Variants in LRRC4C observed in about 807,000 individuals in gnomAD.
LRRC4C encodes the protein leucine-rich repeat-containing protein 4C.
A neutral mutation model predicts 33.6 loss-of-function variants in LRRC4C; 5 were observed. That is an observed-to-expected ratio of 0.15 (90% CI 0.08 to 0.31). The LOEUF is 0.31. LRRC4C is among the 10% of genes least tolerant of loss of function. LRRC4C has a pLI of 1.00. For missense variants in LRRC4C, 560 were observed against 796.7 expected (o/e 0.70, Z 3.58); for synonymous variants, 329 against 302.0 (o/e 1.09, Z -0.93).
intron 4 of LRRC4C, among the ~76,000 whole-genome samples, chr11:40,288,053 C>T (rs535466282): frequency 2.0e-5 from 3 of 152,266 alleles, no homozygotes; most frequent in Non-Finnish European, 4.4e-5. Flanking sequence ...GCTTGCTGTG[C>T]GTGGCATATG....
At chr11:40,311,782 T>C (rs1203405477) in intron 4 of LRRC4C, among the ~76,000 whole-genome samples, 2 of 151,794 alleles carry the variant, frequency 1.3e-5, no homozygotes, top group African/African-American at 4.8e-5. Context: ...CTGTCTCTAC[T>C]GAAAATACAA....
chr11:41,431,094 A>C (rs1955217531), intron 1 of LRRC4C, among the ~76,000 whole-genome samples: 2 of 152,048 alleles, frequency 1.3e-5, no homozygotes, highest in Admixed American at 6.6e-5. Context: ...CCACATATTT[A>C]ATTATTTATT....
At chr11:41,438,056 A>AATAC (rs1955494194) in intron 1 of LRRC4C, among the ~76,000 whole-genome samples, 3 of 146,274 alleles carry the variant, frequency 2.1e-5, no homozygotes, top group Admixed American at 7.0e-5. Flanking sequence ...TAAATAAATA[A>AATAC]ATAAATAAAT....
intron 1 of LRRC4C, among the ~76,000 whole-genome samples, chr11:41,027,751 G>A (rs1856469389): frequency 6.6e-6 from 1 of 151,630 alleles, no homozygotes; most frequent in African/African-American, 2.4e-5. Flanking sequence ...ATATTGTTGA[G>A]GGCCATGGAG....
intron 1 of LRRC4C, among the ~76,000 whole-genome samples, chr11:41,273,860 T>A (rs892930453): frequency 6.6e-6 from 1 of 152,164 alleles, no homozygotes; most frequent in African/African-American, 2.4e-5. Flanking sequence ...CTCATCAAAA[T>A]ATATACATTA....
chr11:41,107,357 T>C (rs1941567214), intron 1 of LRRC4C, among the ~76,000 whole-genome samples: 1 of 152,094 alleles, frequency 6.6e-6, no homozygotes, highest in Non-Finnish European at 1.5e-5. Flanking sequence ...AACAATACTG[T>C]ATTAGAGATA....
chr11:41,184,341 C>T (rs1174883423), intron 1 of LRRC4C, among the ~76,000 whole-genome samples: 2 of 151,810 alleles, frequency 1.3e-5, no homozygotes, highest in African/African-American at 4.8e-5. Context: ...AGACCTTTAA[C>T]AGCACCCATG....
At chr11:41,312,039 G>A (rs1036474298) in intron 1 of LRRC4C, among the ~76,000 whole-genome samples, 5 of 152,202 alleles carry the variant, frequency 3.3e-5, no homozygotes, top group Non-Finnish European at 5.9e-5. Flanking sequence ...ATTAACAGAA[G>A]CTTTAACACT....
In LRRC4C at chr11:40,125,360, A is replaced by G. The variant is rs1250716091; in HGVS notation, c.-42-9026T>C. Among the ~76,000 whole-genome samples the G allele has an allele frequency of 3.3e-5, 5 of 149,596 alleles. No homozygotes were observed. In the East Asian group the frequency reaches 7.7e-4, roughly 23 times the overall value. ...GCAGCCTGAGGACAAAGCTGATAAG[A>G]AAGAAAAAATGAAAAAATGGAAAGA... On this transcript the variant is annotated intron_variant, in intron 6 of 6. Coordinates refer to ENST00000528697, the MANE Select transcript of LRRC4C (RefSeq NM_001258419.2).
At position 41,252,088 on chromosome 11, in the gene LRRC4C, C is replaced by T. The variant is rs546238276; in HGVS notation, c.-496+207343G>A. 3.3e-5 allele frequency among the ~76,000 whole-genome samples: 5 copies of T among 152,090 alleles called. No individual in the cohort carries two copies. The East Asian group carries it at 7.7e-4, about 24-fold the overall frequency. ...TGTAAGATGTCAAAGTAAGAAGGCA[C>T]TACATGGAATTAAACAGGCAAGAAA... is the stretch of plus-strand genomic sequence containing the variant. On this transcript the variant is annotated intron_variant, in intron 1 of 6. Transcript: ENST00000528697.
At chr11:41,288,706 C>A (rs1026844396) in intron 1 of LRRC4C, among the ~76,000 whole-genome samples, 8 of 152,142 alleles carry the variant, frequency 5.3e-5, no homozygotes, top group African/African-American at 1.9e-4. Context: ...TAGGTGGGTT[C>A]TCTTCTTAAG....
At position 40,219,923 on chromosome 11, in the gene LRRC4C, T is replaced by G. The variant is rs148979003; in HGVS notation, c.-96+21596A>C. Among the ~76,000 whole-genome samples, 17 of 152,340 alleles carry G rather than the reference T, an allele frequency of 1.1e-4. No homozygotes were observed. The East Asian group carries it at 2.9e-3, about 26-fold the overall frequency. ...TAAAAACAAAAAATGGGTAACTATG[T>G]GAGCTAACAGATGTGTTAACTTGCT... On this transcript the variant is annotated intron_variant, in intron 5 of 6. Transcript: ENST00000528697.
chr11:40,516,099 G>A (rs1217185643), intron 3 of LRRC4C, among the ~76,000 whole-genome samples: 1 of 151,886 alleles, frequency 6.6e-6, no homozygotes, highest in Non-Finnish European at 1.5e-5. Context: ...AATAATATTT[G>A]AGAAAGCAAA....
chr11:41,048,260 C>CT (rs35599405), intron 1 of LRRC4C, among the ~76,000 whole-genome samples: 9,305 of 106,892 alleles, frequency 0.087, 834 homozygotes, highest in East Asian at 0.2. Flanking sequence ...AGATTCTTTA[C>CT]TTTTTTTTTT....
intron 1 of LRRC4C, among the ~76,000 whole-genome samples, chr11:41,163,282 C>CCGTTTTTTTTTTTTTTT (rs1944554396): frequency 5.4e-5 from 1 of 18,530 alleles, no homozygotes; most frequent in African/African-American, 1.1e-4. Flanking sequence ...TTTACTGTAA[C>CCGTTTTTTTTTTTTTTT]TGTTTTTTTT....
Position 40,752,688 on chromosome 11 carries a change from ACAC to A in LRRC4C, c.-406-104413_-406-104411del, listed in dbSNP as rs199553422. 2.0e-5 allele frequency among the ~76,000 whole-genome samples: 3 copies of A among 152,082 alleles called. No individual in the cohort carries two copies. In the East Asian group the frequency reaches 5.8e-4, roughly 29 times the overall value. On this transcript the variant is annotated intron_variant, in intron 2 of 6. Transcript: ENST00000528697. ...ACTGTTGGTGGGACTGTAAATTAGT[ACAC>A]CTACTATAAAAAACGGAATAGAGAT... is the stretch of plus-strand genomic sequence containing the variant.
chr11:41,198,049 A>AT (rs1946254855), intron 1 of LRRC4C, among the ~76,000 whole-genome samples: 2 of 152,022 alleles, frequency 1.3e-5, no homozygotes, highest in East Asian at 3.9e-4. Context: ...CCTTCTGTGA[A>AT]TAAAAAAAAG....
chr11:41,378,624 A>G (rs1042244898), intron 1 of LRRC4C, among the ~76,000 whole-genome samples: 1 of 152,146 alleles, frequency 6.6e-6, no homozygotes, highest in Non-Finnish European at 1.5e-5. Flanking sequence ...AAAGAATAGA[A>G]ATTTTGGAAA....
chr11:40,436,620 A>G (rs1265550358), intron 3 of LRRC4C, among the ~76,000 whole-genome samples: 2 of 152,200 alleles, frequency 1.3e-5, no homozygotes, highest in Non-Finnish European at 2.9e-5. Flanking sequence ...CCAAGACTCA[A>G]TAGAGCTATT....
Sources: gnomAD v4.1 joint callset for allele counts (sites outside exome capture counted in the v4.1 genomes callset) on GRCh38, gnomAD v4.1.1 for gene constraint, MANE v1.5 for transcripts, NCBI Gene and HGNC (gene_info 2026-07-23, HGNC 2026-07-21) for gene names.